The following ZNF274 variants were observed in gnomAD, a reference collection of about 807,000 sequenced individuals.
ZNF274 encodes the protein zinc finger protein 274, also known as neurotrophin receptor-interacting factor homolog.
A neutral mutation model predicts 42.5 loss-of-function variants in ZNF274; 23 were observed. The ratio of observed to expected loss-of-function variants is 0.54; its 90% confidence interval spans 0.39 to 0.77. The LOEUF (loss-of-function observed/expected upper bound fraction) is 0.77, where lower values mean the gene tolerates loss of function less well. Ranked by LOEUF, ZNF274 falls within the 30% of genes least tolerant of loss-of-function variation. The pLI, the probability that ZNF274 is intolerant of heterozygous loss-of-function variation, is 0.00. For missense variants in ZNF274, 679 were observed against 806.5 expected (o/e 0.84, Z 1.91); for synonymous variants, 292 against 305.4 (o/e 0.96, Z 0.46).
intron 4 of ZNF274, among the ~76,000 whole-genome samples, chr19:58,202,847 G>C (rs1031051808): frequency 1.3e-5 from 2 of 152,214 alleles, no homozygotes; most frequent in Non-Finnish European, 2.9e-5. Flanking sequence ...TTCTGGGTTT[G>C]TGGTCTCTCT....
chr19:58,187,826 A>G (rs761710989), intron 4 of ZNF274, among the ~76,000 whole-genome samples: 4 of 152,186 alleles, frequency 2.6e-5, no homozygotes, highest in African/African-American at 4.8e-5. Context: ...CCTGGGTTCA[A>G]GTGATTTTCC....
Position 58,211,461 on chromosome 19 carries a change from C to G in ZNF274, c.853-99C>G. On this transcript the variant is annotated intron_variant, in intron 6 of 7. Transcript: ENST00000617501. This position sits in a 1 kb window ranked among gnomAD's most constrained non-coding sequence, Gnocchi z 4.8. ...CCCAAAGCAGGAGAGTCCCTAGCAC[C>G]GTGAGCTCTGTCAGAACCTCCCAGC... is the stretch of plus-strand genomic sequence containing the variant. The G allele has an allele frequency of 6.8e-7, 1 of 1,465,008 alleles. No homozygotes were observed. Among genetic ancestry groups the G allele is most frequent in the Admixed American group, 2.0e-5 (1 of 49,090 alleles). The allele number at this position is 1,465,008 out of a possible 1,614,324, so 90.8% of individuals were successfully genotyped here.
intron 4 of ZNF274, among the ~76,000 whole-genome samples, chr19:58,187,433 T>C (rs2075712839): frequency 6.6e-6 from 1 of 152,218 alleles, no homozygotes; most frequent in South Asian, 2.1e-4. Context: ...AGTCAGCTTC[T>C]TTTTGTTTTG....
rs1407382600 is a variant in ZNF274 at position 58,207,039 on chromosome 19, T to G, written c.576T>G (p.Pro192=). Residue 192 remains proline, a synonymous_variant, in exon 5 of 8, where the codon CCT becomes CCG. Coordinates refer to ENST00000617501, the MANE Select transcript of ZNF274 (RefSeq NM_133502.3). This position sits in a 1 kb window ranked among gnomAD's most constrained non-coding sequence, Gnocchi z 5.6. Reference sequence around the variant, plus strand: ...AGCTGTGTCACCAGTGGCTACAGCCTAAGGCACGCTCCAAGGAGCAGATCC... The same window carrying G: ...AGCTGTGTCACCAGTGGCTACAGCCGAAGGCACGCTCCAAGGAGCAGATCC... ...LRELCHQWLQ[P]KARSKEQILE... 2 of 1,612,596 alleles carry G rather than the reference T, an allele frequency of 1.2e-6. No homozygotes were observed. The highest frequency in any genetic ancestry group is 1.3e-5 in the African/African-American group (1 of 74,906).
At chr19:58,190,239 C>G (rs2075764413) in intron 4 of ZNF274, among the ~76,000 whole-genome samples, 1 of 149,962 alleles carries the variant, frequency 6.7e-6, no homozygotes, top group Non-Finnish European at 1.5e-5. Context: ...CCTCCATCCT[C>G]TGGGTTCAAG....
intron 4 of ZNF274, among the ~76,000 whole-genome samples, chr19:58,206,080 TC>T (rs34494311): frequency 0.2 from 30,051 of 152,188 alleles, 3,824 homozygotes; most frequent in Middle Eastern, 0.37. Context: ...ATTAGCAGTC[TC>T]CCACCAATCC....
chr19:58,206,195 C>T (rs1045734821), intron 4 of ZNF274, among the ~76,000 whole-genome samples: 2 of 152,146 alleles, frequency 1.3e-5, no homozygotes, highest in Non-Finnish European at 2.9e-5. Flanking sequence ...TGTCTGGCTT[C>T]TTTTACTTAG....
In ZNF274 at chr19:58,206,718, A is replaced by G; in HGVS notation, c.257-2A>G. ...TTGTCTTGCTCTGCTTTTGACTTAC[A>G]GAGTATCCTGAGCTCCAGCTGGACC... On this transcript the variant is annotated splice_acceptor_variant, in intron 4 of 7. Coordinates refer to ENST00000617501, the MANE Select transcript of ZNF274 (RefSeq NM_133502.3). LOFTEE classifies it high-confidence loss of function. 6.4e-7 allele frequency: 1 copy of G among 1,564,688 alleles called. No individual in the cohort carries two copies. The highest frequency in any genetic ancestry group is 8.7e-7 in the Non-Finnish European group (1 of 1,154,514).
At chr19:58,183,837 G>A in intron 1 of ZNF274, 84 bp from the exon 2 acceptor site, 1 of 894,050 alleles carries the variant, frequency 1.1e-6, no homozygotes, top group Admixed American at 2.6e-5. Context: ...CCCGCTGAGG[G>A]AGCCGTTCCT....
At position 58,186,986 on chromosome 19, in the gene ZNF274, A is replaced by G. The variant is rs1345888754; in HGVS notation, c.200A>G (p.Glu67Gly). 3.7e-6 allele frequency: 6 copies of G among 1,613,684 alleles called. No individual in the cohort carries two copies. Among genetic ancestry groups the G allele is most frequent in the Non-Finnish European group, 5.1e-6 (6 of 1,179,832 alleles). Residue 67 changes from glutamate (E) to glycine (G), a missense_variant, in exon 4 of 8, where the codon GAG becomes GGG. Coordinates refer to ENST00000617501, the MANE Select transcript of ZNF274 (RefSeq NM_133502.3). ...LSKPDVVSQL[E>G]EAEDFWPVER... ...AAACCAGATGTGGTATCTCAGTTAG[A>G]GGAGGCAGAAGATTTCTGGCCAGTG...
In ZNF274 at chr19:58,208,650, C is replaced by A. The variant is rs1338795163; in HGVS notation, c.740-1311C>A. Reference sequence around the variant, plus strand: ...CTGGAAAAGGCAAGGAATGGATTCTCCCTTGGAGCCTCCAAAAGGAACATA... The same window carrying A: ...CTGGAAAAGGCAAGGAATGGATTCTACCTTGGAGCCTCCAAAAGGAACATA... On this transcript the variant is annotated intron_variant, in intron 5 of 7. Transcript: ENST00000617501. This position sits in a 1 kb window ranked among gnomAD's most constrained non-coding sequence, Gnocchi z 4.5. The A allele has an allele frequency of 2.0e-5, 3 of 152,222 alleles. No homozygotes were observed. The highest frequency in any genetic ancestry group is 7.2e-5 in the African/African-American group (3 of 41,450). The allele number at this position is 152,222 out of a possible 1,614,324, so 9.4% of individuals were successfully genotyped here. A position where few individuals can be genotyped will look rare whatever the true frequency, so the allele number is the denominator to read the frequency against.
intron 4 of ZNF274, among the ~76,000 whole-genome samples, chr19:58,196,243 A>G (rs1026686656): frequency 6.6e-6 from 1 of 152,172 alleles, no homozygotes; most frequent in Non-Finnish European, 1.5e-5. Context: ...CCTGCAGGGC[A>G]TTTTACATTT....
chr19:58,203,219 T>G (rs144485818), intron 4 of ZNF274, among the ~76,000 whole-genome samples: 1 of 152,244 alleles, frequency 6.6e-6, no homozygotes, highest in African/African-American at 2.4e-5. Flanking sequence ...TCCTAGGCAC[T>G]TAGTCCGGTG....
Position 58,213,209 on chromosome 19 carries a change from T to A in ZNF274, c.*66T>A, listed in dbSNP as rs778016622. The A allele has an allele frequency of 3.9e-6, 6 of 1,524,362 alleles. No individual in the cohort carries two copies. The highest frequency in any genetic ancestry group is 1.4e-5 in the African/African-American group (1 of 72,092). The allele number at this position is 1,524,362 out of a possible 1,614,324, so 94.4% of individuals were successfully genotyped here. A position where few individuals can be genotyped will look rare whatever the true frequency, so the allele number is the denominator to read the frequency against. On this transcript the variant is annotated 3_prime_UTR_variant, in exon 8 of 8. Coordinates refer to ENST00000617501, the MANE Select transcript of ZNF274 (RefSeq NM_133502.3). ...CCCTGCAATATAACATGCACAGGCC[T>A]GCTTGTGAATCAGGACTGAATGTGA...
intron 4 of ZNF274, among the ~76,000 whole-genome samples, chr19:58,190,066 T>G (rs1024966900): frequency 6.7e-6 from 1 of 148,620 alleles, no homozygotes; most frequent in Non-Finnish European, 1.5e-5. Context: ...GAGGTTGCAG[T>G]GAACCCAGAC....
intron 4 of ZNF274, among the ~76,000 whole-genome samples, chr19:58,194,084 G>A (rs2075809730): frequency 6.6e-6 from 1 of 152,056 alleles, no homozygotes; most frequent in Non-Finnish European, 1.5e-5. Flanking sequence ...GAAACATGGT[G>A]AATACAAGTC....
intron 6 of ZNF274, chr19:58,210,369 C>T: frequency 3.7e-6 from 1 of 269,560 alleles, no homozygotes; most frequent in Non-Finnish European, 7.2e-6. Context: ...CTACCACAGG[C>T]AGGCACATCT....
rs756559932 is a variant in ZNF274 at position 58,207,033 on chromosome 19, A to G, written c.570A>G (p.Leu190=). Reference sequence around the variant, plus strand: ...TCCGAGAGCTGTGTCACCAGTGGCTACAGCCTAAGGCACGCTCCAAGGAGC... The same window carrying G: ...TCCGAGAGCTGTGTCACCAGTGGCTGCAGCCTAAGGCACGCTCCAAGGAGC... The part of the protein sequence containing the change: ...DQLRELCHQW[L]QPKARSKEQI... The change falls in exon 5 of 8, where the codon CTA becomes CTG. Residue 190 remains leucine, a synonymous_variant. Transcript: ENST00000617501. This position sits in a 1 kb window ranked among gnomAD's most constrained non-coding sequence, Gnocchi z 5.6. 44 of 1,612,422 alleles carry G rather than the reference A, an allele frequency of 2.7e-5. No individual in the cohort carries two copies. In the South Asian group the frequency reaches 4.7e-4, roughly 17 times the overall value.
chr19:58,209,746 G>C (rs1389021502), intron 5 of ZNF274: 3 of 479,574 alleles, frequency 6.3e-6, no homozygotes, highest in African/African-American at 6.0e-5. Context: ...ACCCTTGGAG[G>C]GTGAGCCATC....
Sources: gnomAD v4.1 joint callset for allele counts (sites outside exome capture counted in the v4.1 genomes callset) on GRCh38, gnomAD v4.1.1 for gene constraint, Gnocchi (gnomAD v3.1) non-coding constraint, MANE v1.5 for transcripts, NCBI Gene and HGNC (gene_info 2026-07-23, HGNC 2026-07-21) for gene names.